KTN1: variants seen among roughly 807,000 people sequenced by gnomAD.
The protein encoded by KTN1 is kinectin.
KTN1 carries 130 observed loss-of-function variants against 222.5 expected under a neutral mutation model. The ratio of observed to expected loss-of-function variants is 0.58; its 90% CI spans 0.51 to 0.68. The LOEUF (loss-of-function observed/expected upper bound fraction) is 0.68. KTN1 is among the 30% of genes least tolerant of loss of function. The probability of loss-of-function intolerance (pLI) is 0.00; values close to 1 mark genes in which losing one functional copy is unlikely to be tolerated. For missense variants in KTN1, 1,508 were observed against 1,500.4 expected (o/e 1.01, Z -0.08); for synonymous variants, 512 against 496.3 (o/e 1.03, Z -0.42).
chr14:55,586,102 A>T (rs908309751), intron 1 of KTN1, among the ~76,000 whole-genome samples: 1 of 152,186 alleles, frequency 6.6e-6, no homozygotes, highest in African/African-American at 2.4e-5. Context: ...AATAAGCTGG[A>T]AGTCACTAGT....
chr14:55,677,443 C>G (rs897456239), intron 41 of KTN1, among the ~76,000 whole-genome samples: 5 of 145,956 alleles, frequency 3.4e-5, no homozygotes, highest in Admixed American at 1.4e-4. Flanking sequence ...CGCTACTGCA[C>G]TCTAGCCTGG....
At position 55,648,807 on chromosome 14, in the gene KTN1, A is replaced by G. The variant is rs780608662; in HGVS notation, c.2304A>G (p.Ile768Met). 1.3e-6 allele frequency: 2 copies of G among 1,599,242 alleles called. No individual in the cohort carries two copies. The highest frequency in any genetic ancestry group is 1.7e-6 in the Non-Finnish European group (2 of 1,168,102). ...CTTATGTGTCTTTGAAAAAGGCAAT[A>G]AGAACAGAAAATTCATCTCTGACAA... Reference protein sequence around the residue: ...VATKEEELNAIRTENSSLTKE... With the variant: ...VATKEEELNAMRTENSSLTKE... The change falls in exon 21 of 44, where the codon ATA becomes ATG. Residue 768 changes from isoleucine to methionine, a missense_variant. Physicochemically the swap from Ile to Met is conservative, Grantham distance 10. Transcript: ENST00000395314.
chr14:55,618,407 C>T (rs970342076), intron 4 of KTN1, among the ~76,000 whole-genome samples: 5 of 152,004 alleles, frequency 3.3e-5, no homozygotes, highest in Admixed American at 2.6e-4. Context: ...TTGGCTAATT[C>T]ATAACTGTTG....
intron 18 of KTN1, chr14:55,644,432 A>T (rs1026062510): frequency 1.4e-6 from 1 of 702,534 alleles, no homozygotes; most frequent in East Asian, 2.7e-5. Flanking sequence ...GCAGAAAGAC[A>T]ACAGGTACCA....
intron 1 of KTN1, among the ~76,000 whole-genome samples, chr14:55,606,948 A>T (rs1273114545): frequency 6.6e-6 from 1 of 152,134 alleles, no homozygotes; most frequent in Non-Finnish European, 1.5e-5. Context: ...ATTATTTTAA[A>T]TGGTTGTGTG....
In KTN1 at chr14:55,684,194, A is replaced by T; in HGVS notation, c.*91A>T. On this transcript the variant is annotated 3_prime_UTR_variant, in exon 44 of 44. Coordinates refer to ENST00000395314, the MANE Select transcript of KTN1 (RefSeq NM_001079521.2). ...CCTTATTTATGTTTTCACCCTTTCT[A>T]CTTTGTCAGAAACACTGAACAGAGT... is the stretch of plus-strand genomic sequence containing the variant. 1.0e-6 allele frequency: 1 copy of T among 977,444 alleles called. No homozygotes were observed. The highest frequency in any genetic ancestry group is 1.6e-6 in the Non-Finnish European group (1 of 642,382). The allele number at this position is 977,444 out of a possible 1,614,324, so 60.5% of individuals were successfully genotyped here. A position where few individuals can be genotyped will look rare whatever the true frequency, so the allele number is the denominator to read the frequency against.
intron 13 of KTN1, 24 bp downstream of exon 13, chr14:55,639,246 TATA>T (rs1232003392): frequency 2.6e-6 from 4 of 1,552,780 alleles, no homozygotes; most frequent in Non-Finnish European, 3.6e-6. Context: ...TTCACACTCT[TATA>T]ATTGTGTAGT....
chr14:55,616,802 T>C lies in KTN1; in HGVS notation c.661+148T>C, dbSNP rs930457645. ...ACTAATGCAGGTCTAAAATTATCTT[T>C]AGCCTTATGACTTTATAGCGCTTTG... On this transcript the variant is annotated intron_variant, in intron 3 of 43. Transcript: ENST00000395314. The C allele has an allele frequency of 6.4e-6, 4 of 626,028 alleles. No homozygotes were observed. In the Admixed American group the frequency reaches 1.4e-4, roughly 23 times the overall value. The allele number at this position is 626,028 out of a possible 1,614,324, so 38.8% of individuals were successfully genotyped here. A position where few individuals can be genotyped will look rare whatever the true frequency, so the allele number is the denominator to read the frequency against.
chr14:55,605,538 C>T (rs1480083899), intron 1 of KTN1, among the ~76,000 whole-genome samples: 1 of 152,128 alleles, frequency 6.6e-6, no homozygotes, highest in Non-Finnish European at 1.5e-5. Context: ...CTGGGGGCCA[C>T]TTAAATTTTT....
rs760129292 is a variant in KTN1 at position 55,637,184 on chromosome 14, A to G, written c.1550-14A>G. ...AAGAAAGAGACCTCTGTAAAATGTA[A>G]TGTTTTATTACAGATTTACAGAGTA... On this transcript the variant is annotated splice_polypyrimidine_tract_variant and intron_variant, in intron 10 of 43. Coordinates refer to ENST00000395314, the MANE Select transcript of KTN1 (RefSeq NM_001079521.2). 2 of 1,569,740 alleles carry G rather than the reference A, an allele frequency of 1.3e-6. No individual in the cohort carries two copies. Among genetic ancestry groups the G allele is most frequent in the Non-Finnish European group, 1.7e-6 (2 of 1,151,754 alleles).
intron 34 of KTN1, 94 bp from the exon 35 acceptor site, chr14:55,670,630 TTATAA>T (rs1002547878): frequency 5.1e-6 from 4 of 779,998 alleles, no homozygotes; most frequent in Non-Finnish European, 8.2e-6. Flanking sequence ...TAGGTTTCTT[TTATAA>T]TTATCTAATT....
chr14:55,667,363 G>T (rs2044907847), intron 34 of KTN1, 33 bp downstream of exon 34: 2 of 1,293,138 alleles, frequency 1.5e-6, no homozygotes, highest in South Asian at 2.5e-5. Context: ...TTAACATGAT[G>T]ACATTATTCA....
intron 20 of KTN1, 77 bp downstream of exon 20, chr14:55,648,192 T>G (rs1402835979): frequency 7.2e-6 from 5 of 694,166 alleles, no homozygotes; most frequent in African/African-American, 1.9e-5. Flanking sequence ...TTGTGTAAGG[T>G]TTTTCCCATA....
chr14:55,647,090 T>TGGCTCACGCCTG, intron 19 of KTN1, 83 bp downstream of exon 19: 1 of 905,060 alleles, frequency 1.1e-6, no homozygotes. Flanking sequence ...AAAATTCTCT[T>TGGCTCACGCCTG]TAAACTTTGT....
chr14:55,641,701 G>T lies in KTN1; in HGVS notation c.2113G>T (p.Asp705Tyr). 2 of 1,594,168 alleles carry T rather than the reference G, an allele frequency of 1.3e-6. No homozygotes were observed. Among genetic ancestry groups the T allele is most frequent in the South Asian group, 2.2e-5 (2 of 90,532 alleles). Reference sequence around the variant, plus strand: ...AGACTCTTTCTTCCAGATTCTAAATGACCAAAACAAAGCATTAAAATCAGA... The same window carrying T: ...AGACTCTTTCTTCCAGATTCTAAATTACCAAAACAAAGCATTAAAATCAGA... ...NKMEEFKILNDQNKALKSEVQ... is the reference protein window; with the variant it reads ...NKMEEFKILNYQNKALKSEVQ... Residue 705 changes from aspartate (D) to tyrosine (Y), a missense_variant, in exon 18 of 44, where the codon GAC becomes TAC. Coordinates refer to ENST00000395314, the MANE Select transcript of KTN1 (RefSeq NM_001079521.2).
intron 43 of KTN1, chr14:55,680,635 T>C: frequency 1.8e-6 from 2 of 1,117,326 alleles, no homozygotes; most frequent in Non-Finnish European, 2.5e-6. Context: ...CCTGGAAAAG[T>C]TGGGATGGAC....
intron 19 of KTN1, among the ~76,000 whole-genome samples, chr14:55,647,633 CAAAAAAAAAAA>C (rs35742930): frequency 3.0e-5 from 1 of 32,976 alleles, no homozygotes; most frequent in African/African-American, 1.3e-4. Flanking sequence ...AACTCTGCCT[CAAAAAAAAAAA>C]AAAAAAAAAA....
At chr14:55,599,377 A>C (rs1432575478) in intron 1 of KTN1, among the ~76,000 whole-genome samples, 2 of 152,120 alleles carry the variant, frequency 1.3e-5, no homozygotes, top group East Asian at 3.9e-4. Flanking sequence ...TACGGACTAG[A>C]TTGGACAGAG....
chr14:55,665,597 A>G (rs1008083697), intron 33 of KTN1, among the ~76,000 whole-genome samples: 2 of 152,046 alleles, frequency 1.3e-5, no homozygotes, highest in Non-Finnish European at 2.9e-5. Flanking sequence ...TTTAACTAGA[A>G]ATAAGTTACG....
Sources: gnomAD v4.1 joint callset for allele counts (sites outside exome capture counted in the v4.1 genomes callset) on GRCh38, gnomAD v4.1.1 for gene constraint, MANE v1.5 for transcripts, NCBI Gene and HGNC (gene_info 2026-07-23, HGNC 2026-07-21) for gene names.